The following DOP1A variants were observed in gnomAD, a reference collection of about 807,000 sequenced individuals.
The protein encoded by DOP1A is protein DOP1A.
In DOP1A, 90 loss-of-function variants were observed where a neutral mutation model predicts 267.6. The ratio of observed to expected loss-of-function variants is 0.34; its 90% confidence interval spans 0.28 to 0.40. The LOEUF (loss-of-function observed/expected upper bound fraction) is 0.40, where lower values mean the gene tolerates loss of function less well. Among genes scored for constraint, DOP1A ranks in the 10% least tolerant of loss-of-function variants. The pLI is 1.00. For missense variants in DOP1A, 2,437 were observed against 2,900.4 expected (o/e 0.84, Z 3.67); for synonymous variants, 932 against 999.1 (o/e 0.93, Z 1.27).
intron 17 of DOP1A, among the ~76,000 whole-genome samples, chr6:83,131,397 T>G (rs1235689593): frequency 6.6e-6 from 1 of 152,196 alleles, no homozygotes; most frequent in Non-Finnish European, 1.5e-5. Context: ...GCATTATTAT[T>G]AATGCTGTTA....
chr6:83,137,025 C>A, intron 20 of DOP1A, 148 bp from the exon 21 acceptor site: 1 of 792,810 alleles, frequency 1.3e-6, no homozygotes, highest in Non-Finnish European at 1.8e-6. Flanking sequence ...AAACTTTCAC[C>A]TGCAATAAAA....
chr6:83,140,151 T>C, intron 22 of DOP1A, 40 bp downstream of exon 22: 1 of 1,603,898 alleles, frequency 6.2e-7, no homozygotes, highest in Non-Finnish European at 8.5e-7. Context: ...TGAAAGACTG[T>C]GAGGTCTAAT....
At chr6:83,159,347 C>T (rs1057037162) in intron 36 of DOP1A, among the ~76,000 whole-genome samples, 4 of 152,114 alleles carry the variant, frequency 2.6e-5, no homozygotes, top group African/African-American at 9.7e-5. Flanking sequence ...GATCCTGGCT[C>T]ATTGCAGCCT....
chr6:83,071,703 A>G (rs1785628567), intron 1 of DOP1A, among the ~76,000 whole-genome samples: 1 of 152,218 alleles, frequency 6.6e-6, no homozygotes, highest in Non-Finnish European at 1.5e-5. Context: ...AATTACCTTA[A>G]AAAATATAGT....
chr6:83,108,860 A>G (rs1774093320), intron 4 of DOP1A, 50 bp from the exon 5 acceptor site: 6 of 1,509,734 alleles, frequency 4.0e-6, no homozygotes, highest in Non-Finnish European at 4.5e-6. Flanking sequence ...ATGAATTAAT[A>G]TTGTATAGTT....
chr6:83,143,944 TA>T (rs1780054821), intron 24 of DOP1A, among the ~76,000 whole-genome samples: 1 of 152,196 alleles, frequency 6.6e-6, no homozygotes, highest in Admixed American at 6.5e-5. Context: ...GAAGAGATCC[TA>T]AAAGCTTCTA....
chr6:83,123,290 C>A (rs1409678768), intron 12 of DOP1A, among the ~76,000 whole-genome samples: 2 of 151,946 alleles, frequency 1.3e-5, no homozygotes, highest in African/African-American at 4.8e-5. Flanking sequence ...TTTTTGGCTG[C>A]TGCCTCAGCA....
In DOP1A at chr6:83,125,201, A is replaced by T; in HGVS notation, c.1485+6A>T. ...GTATGAGGGTGCTGTGTCAGGTATG[A>T]CATTCAGCCTGTTTTGTTTTTAAAT... On this transcript the variant is annotated splice_donor_region_variant and intron_variant, in intron 14 of 38. Coordinates refer to ENST00000349129, the MANE Select transcript of DOP1A (RefSeq NM_015018.4). 1 of 1,567,054 alleles carries T rather than the reference A, an allele frequency of 6.4e-7. No individual in the cohort carries two copies.
At chr6:83,156,360 T>A (rs1186223845) in intron 34 of DOP1A, among the ~76,000 whole-genome samples, 1 of 152,200 alleles carries the variant, frequency 6.6e-6, no homozygotes, top group African/African-American at 2.4e-5. Context: ...TGTTTGAGGA[T>A]GAGGTATAAG....
At chr6:83,140,425 C>T (rs1306840886) in intron 23 of DOP1A, 22 bp downstream of exon 23, 3 of 1,560,062 alleles carry the variant, frequency 1.9e-6, no homozygotes, top group Admixed American at 3.7e-5. Context: ...CATATTTAAT[C>T]TGTAGAGCTC....
intron 3 of DOP1A, among the ~76,000 whole-genome samples, chr6:83,100,051 T>C (rs982629697): frequency 2.0e-5 from 3 of 152,140 alleles, no homozygotes; most frequent in African/African-American, 7.2e-5. Context: ...TTAACTAATC[T>C]CCTTTGAGTG....
intron 6 of DOP1A, among the ~76,000 whole-genome samples, chr6:83,111,167 C>T (rs948390435): frequency 6.6e-6 from 1 of 151,998 alleles, no homozygotes; most frequent in Non-Finnish European, 1.5e-5. Context: ...TCAGGCTGGC[C>T]TCGAACTCCT....
chr6:83,068,342 T>C (rs1785046006), intron 1 of DOP1A, among the ~76,000 whole-genome samples: 1 of 152,196 alleles, frequency 6.6e-6, no homozygotes, highest in African/African-American at 2.4e-5. Context: ...TTAACAATTA[T>C]CACCTTTGAT....
At chr6:83,132,827 T>C (rs1778291005) in intron 18 of DOP1A, among the ~76,000 whole-genome samples, 1 of 152,190 alleles carries the variant, frequency 6.6e-6, no homozygotes, top group Non-Finnish European at 1.5e-5. Context: ...AAGTGTGATA[T>C]ATAATTCAGT....
chr6:83,123,502 C>T (rs902014362), intron 12 of DOP1A, among the ~76,000 whole-genome samples: 2 of 152,006 alleles, frequency 1.3e-5, no homozygotes, highest in Non-Finnish European at 2.9e-5. Flanking sequence ...GGCTTCTAGA[C>T]CAGATCCTCT....
At position 83,068,015 on chromosome 6, in the gene DOP1A, T is replaced by G. The variant is rs979073684; in HGVS notation, c.-147+236T>G. Among the ~76,000 whole-genome samples, 5 of 152,104 alleles carry G rather than the reference T, an allele frequency of 3.3e-5. No individual in the cohort carries two copies. In the East Asian group the frequency reaches 9.8e-4, roughly 30 times the overall value. On this transcript the variant is annotated intron_variant, in intron 1 of 38. Coordinates refer to ENST00000349129, the MANE Select transcript of DOP1A (RefSeq NM_015018.4). ...GAGGGCCAGGGCTGGGGCCGGGGCC[T>G]GGGCCGGGCAGAGGCGCGAGGGCGG... is the stretch of plus-strand genomic sequence containing the variant.
At chr6:83,073,744 G>T (rs1786000406) in intron 1 of DOP1A, among the ~76,000 whole-genome samples, 1 of 152,192 alleles carries the variant, frequency 6.6e-6, no homozygotes, top group South Asian at 2.1e-4. Context: ...TGCAGTTGGA[G>T]AACTCACTTT....
intron 36 of DOP1A, 64 bp downstream of exon 36, chr6:83,158,686 A>C: frequency 9.1e-7 from 1 of 1,102,234 alleles, no homozygotes; most frequent in Non-Finnish European, 1.3e-6. Context: ...TCAGAATATT[A>C]CTCAGCATCT....
chr6:83,113,442 T>G (rs1774895653), intron 7 of DOP1A, 21 bp downstream of exon 7: 1 of 1,589,188 alleles, frequency 6.3e-7, no homozygotes, highest in Admixed American at 1.7e-5. Flanking sequence ...AACGCCGATG[T>G]TATTATAAGG....
Sources: gnomAD v4.1 joint callset for allele counts (sites outside exome capture counted in the v4.1 genomes callset) on GRCh38, gnomAD v4.1.1 for gene constraint, MANE v1.5 for transcripts, NCBI Gene and HGNC (gene_info 2026-07-23, HGNC 2026-07-21) for gene names.